CLEC9A: variants seen among roughly 807,000 people sequenced by gnomAD.
CLEC9A encodes C-type lectin domain family 9 member A.
In CLEC9A, 24 loss-of-function variants were observed where a neutral mutation model predicts 30.0. The observed-to-expected ratio is 0.80, with a 90% confidence interval of 0.58 to 1.13. The LOEUF (loss-of-function observed/expected upper bound fraction) is 1.13. Ranked by LOEUF, CLEC9A falls within the 50% of genes most tolerant of loss-of-function variation. The pLI is 0.00. For missense variants in CLEC9A, 251 were observed against 280.9 expected, an observed-to-expected ratio of 0.89 and a Z score of 0.76; for synonymous variants, 111 against 96.8, an observed-to-expected ratio of 1.15 and a Z score of -0.86.
At chr12:10,033,819 C>A (rs1166739543) in intron 1 of CLEC9A, among the ~76,000 whole-genome samples, 3 of 151,114 alleles carry the variant, frequency 2.0e-5, no homozygotes, top group African/African-American at 7.3e-5. Context: ...TAAAGTGGGG[C>A]CTAAATTGGA....
At chr12:10,052,897 T>G in intron 4 of CLEC9A, 119 bp downstream of exon 4, 1 of 1,121,898 alleles carries the variant, frequency 8.9e-7, no homozygotes, top group Non-Finnish European at 1.2e-6. Flanking sequence ...AAGGGTACTG[T>G]AATGTCCGTG....
intron 2 of CLEC9A, chr12:10,043,162 A>G: frequency 2.6e-6 from 1 of 381,270 alleles, no homozygotes; most frequent in Non-Finnish European, 5.2e-6. Flanking sequence ...TTATGTCATT[A>G]TCAACAGCTG....
intron 2 of CLEC9A, among the ~76,000 whole-genome samples, chr12:10,046,621 C>A (rs1865848781): frequency 6.6e-6 from 1 of 152,228 alleles, no homozygotes; most frequent in Non-Finnish European, 1.5e-5. Flanking sequence ...TTCTTTCCCA[C>A]AGCTTCCCTT....
chr12:10,040,586 G>A (rs1202585986), intron 1 of CLEC9A, among the ~76,000 whole-genome samples: 2 of 151,854 alleles, frequency 1.3e-5, no homozygotes, highest in African/African-American at 2.4e-5. Flanking sequence ...GAGTAGCGGG[G>A]ACTACAGGCG....
chr12:10,065,357 A>G, intron 8 of CLEC9A, 143 bp from the exon 9 acceptor site: 1 of 750,246 alleles, frequency 1.3e-6, no homozygotes, highest in South Asian at 2.1e-5. Context: ...GCAGTTACTG[A>G]AGAAGGAGGA....
intron 4 of CLEC9A, 116 bp downstream of exon 4, chr12:10,052,894 C>T (rs1865908103): frequency 1.8e-6 from 2 of 1,133,740 alleles, no homozygotes; most frequent in East Asian, 2.6e-5. Context: ...CCTAAGGGTA[C>T]TGTAATGTCC....
intron 1 of CLEC9A, among the ~76,000 whole-genome samples, chr12:10,032,485 G>T (rs1445478117): frequency 6.9e-6 from 1 of 145,790 alleles, no homozygotes; most frequent in East Asian, 2.1e-4. Context: ...CCGCCTCCCG[G>T]GTTCACGCCA....
intron 7 of CLEC9A, 80 bp from the exon 8 acceptor site, chr12:10,064,652 G>A: frequency 7.0e-7 from 1 of 1,424,776 alleles, no homozygotes; most frequent in Non-Finnish European, 9.4e-7. Context: ...TTCTAGCTAG[G>A]CAAAATGTCA....
chr12:10,062,217 G>T (rs1252376266), intron 6 of CLEC9A, among the ~76,000 whole-genome samples: 1 of 152,174 alleles, frequency 6.6e-6, no homozygotes, highest in Non-Finnish European at 1.5e-5. Context: ...AGATATTGAA[G>T]AGCTTTAAAC....
chr12:10,061,311 AAT>A (rs752309831), intron 6 of CLEC9A, 38 bp downstream of exon 6: 4 of 1,550,738 alleles, frequency 2.6e-6, no homozygotes, highest in Non-Finnish European at 3.5e-6. Context: ...TATACATCTA[AAT>A]ATATACACCA....
chr12:10,055,216 T>G (rs966807731), intron 5 of CLEC9A, among the ~76,000 whole-genome samples: 1 of 152,228 alleles, frequency 6.6e-6, no homozygotes, highest in Non-Finnish European at 1.5e-5. Context: ...ATGTTAGAAC[T>G]TCAAGACAGC....
chr12:10,046,108 A>G (rs1297185339), intron 2 of CLEC9A, among the ~76,000 whole-genome samples: 1 of 152,234 alleles, frequency 6.6e-6, no homozygotes, highest in Admixed American at 6.5e-5. Flanking sequence ...ATCATGAACA[A>G]GTCACATAGA....
chr12:10,057,951 T>C (rs1189712332), intron 5 of CLEC9A, among the ~76,000 whole-genome samples: 3 of 152,162 alleles, frequency 2.0e-5, no homozygotes, highest in Non-Finnish European at 2.9e-5. Context: ...TAATGTATGA[T>C]ATCATATAAC....
At position 10,040,574 on chromosome 12, in the gene CLEC9A, C is replaced by A. The variant is rs182037029; in HGVS notation, c.-317-892C>A. 6.3e-3 allele frequency among the ~76,000 whole-genome samples: 956 copies of A among 152,006 alleles called. 13 individuals carry two copies. The highest frequency in any genetic ancestry group is 0.022 in the African/African-American group (913 of 41,454). ...CACGCCATTCTCCTGCCTCAGCCTC[C>A]CGAGTAGCGGGGACTACAGGCGCCC... On this transcript the variant is annotated intron_variant, in intron 1 of 8. Coordinates refer to ENST00000355819, the MANE Select transcript of CLEC9A (RefSeq NM_207345.4).
intron 5 of CLEC9A, among the ~76,000 whole-genome samples, chr12:10,055,157 A>C (rs1007322825): frequency 2.0e-5 from 3 of 152,212 alleles, no homozygotes; most frequent in African/African-American, 7.2e-5. Context: ...TTAATCAGTA[A>C]TTGTTACTTC....
At chr12:10,062,659 A>G (rs1331935599) in intron 6 of CLEC9A, among the ~76,000 whole-genome samples, 1 of 152,210 alleles carries the variant, frequency 6.6e-6, no homozygotes, top group Non-Finnish European at 1.5e-5. Flanking sequence ...AATCCATCCA[A>G]TGGTCCAGTA....
chr12:10,047,152 A>G (rs1477314838), intron 2 of CLEC9A, among the ~76,000 whole-genome samples: 1 of 152,208 alleles, frequency 6.6e-6, no homozygotes, highest in African/African-American at 2.4e-5. Flanking sequence ...TGCTACTTCA[A>G]ATGTCTACAG....
At chr12:10,032,562 T>C (rs994108100) in intron 1 of CLEC9A, among the ~76,000 whole-genome samples, 1 of 152,028 alleles carries the variant, frequency 6.6e-6, no homozygotes, top group Non-Finnish European at 1.5e-5. Flanking sequence ...GGCTAATTTT[T>C]TTTTATTTTT....
At chr12:10,035,675 C>T (rs1328658314) in intron 1 of CLEC9A, among the ~76,000 whole-genome samples, 1 of 152,160 alleles carries the variant, frequency 6.6e-6, no homozygotes, top group African/African-American at 2.4e-5. Flanking sequence ...GTGGCAAGAT[C>T]CACGATCTCA....
Sources: gnomAD v4.1 joint callset for allele counts (sites outside exome capture counted in the v4.1 genomes callset) on GRCh38, gnomAD v4.1.1 for gene constraint, MANE v1.5 for transcripts, NCBI Gene and HGNC (gene_info 2026-07-23, HGNC 2026-07-21) for gene names.